CYTH3: variants seen among roughly 807,000 people sequenced by gnomAD.
The protein encoded by CYTH3 is cytohesin 3.
Under a neutral mutation model 55.1 loss-of-function variants are expected in CYTH3, and 23 were observed. The observed-to-expected ratio is 0.42, with a 90% confidence interval of 0.30 to 0.59. The LOEUF (loss-of-function observed/expected upper bound fraction) is 0.59. Among genes scored for constraint, CYTH3 ranks in the 20% least tolerant of loss-of-function variants. The pLI, the probability that CYTH3 is intolerant of heterozygous loss-of-function variation, is 0.20. For synonymous variants in CYTH3, 249 were observed against 194.9 expected, an observed-to-expected ratio of 1.28 and a Z score of -2.31; for missense variants, 413 against 524.8, an observed-to-expected ratio of 0.79 and a Z score of 2.08.
At chr7:6,265,618 CAAAAAAAAA>C (rs111748997) in intron 1 of CYTH3, among the ~76,000 whole-genome samples, 1 of 109,908 alleles carries the variant, frequency 9.1e-6, no homozygotes, top group South Asian at 2.9e-4. Context: ...GACTCCATTT[CAAAAAAAAA>C]AAAAAAAAGA....
intron 1 of CYTH3, among the ~76,000 whole-genome samples, chr7:6,202,013 G>A (rs1332793917): frequency 2.6e-5 from 4 of 152,222 alleles, no homozygotes; most frequent in African/African-American, 9.6e-5. Flanking sequence ...ATGGTAGACA[G>A]AAAAACACAG....
At chr7:6,173,144 C>A (rs1023388890) in intron 6 of CYTH3, 1 of 853,914 alleles carries the variant, frequency 1.2e-6, no homozygotes. Flanking sequence ...AGGAAGGAAG[C>A]GAGACAACTT....
At chr7:6,206,062 T>G (rs1482077437) in intron 1 of CYTH3, among the ~76,000 whole-genome samples, 1 of 152,142 alleles carries the variant, frequency 6.6e-6, no homozygotes, top group Admixed American at 6.6e-5. Context: ...AGTTTGGCAG[T>G]TCTTCAAAAA....
At chr7:6,175,544 T>TC (rs1188600940) in intron 5 of CYTH3, among the ~76,000 whole-genome samples, 1 of 128,560 alleles carries the variant, frequency 7.8e-6, no homozygotes, top group Non-Finnish European at 1.6e-5. Context: ...TACACTTTAG[T>TC]CTTTTTTTTT....
At chr7:6,190,396 T>G in intron 2 of CYTH3, 53 bp downstream of exon 2, 1 of 1,325,688 alleles carries the variant, frequency 7.5e-7, no homozygotes, top group Non-Finnish European at 9.9e-7. Context: ...ACTATTTTAC[T>G]CAAAAGCAAA....
intron 1 of CYTH3, among the ~76,000 whole-genome samples, chr7:6,203,245 TTAA>T (rs1473115655): frequency 6.6e-6 from 1 of 152,186 alleles, no homozygotes; most frequent in African/African-American, 2.4e-5. Flanking sequence ...CAAGCTTGAT[TTAA>T]TGGACATAAT....
intron 1 of CYTH3, among the ~76,000 whole-genome samples, chr7:6,239,589 A>G (rs568196532): frequency 9.9e-5 from 15 of 152,234 alleles, no homozygotes; most frequent in Admixed American, 9.2e-4. Flanking sequence ...ATCACTTGCT[A>G]AAGAAATGAC....
intron 1 of CYTH3, among the ~76,000 whole-genome samples, chr7:6,198,925 G>C (rs1372991529): frequency 6.6e-6 from 1 of 152,226 alleles, no homozygotes; most frequent in Non-Finnish European, 1.5e-5. Context: ...GTTCTCGTCT[G>C]ATGGAGGAGG....
rs987769241 is a variant in CYTH3, at chr7:6,170,411, C to A, written c.823+124G>T. On this transcript the variant is annotated intron_variant, in intron 9 of 12. Coordinates refer to ENST00000350796, the MANE Select transcript of CYTH3 (RefSeq NM_004227.4). The surrounding 1 kb of genome is among the most constrained non-coding windows in gnomAD (Gnocchi z 7.8). ...CCGAGAGCGGGCTCTGGCTTAACCG[C>A]GTTTCTTTTTAACGTCTCTGCCTGC... is the stretch of plus-strand genomic sequence containing the variant. The A allele has an allele frequency of 2.4e-5, 21 of 885,606 alleles. No homozygotes were observed. Among genetic ancestry groups the A allele is most frequent in the Non-Finnish European group, 3.4e-5 (20 of 585,226 alleles). 54.9% of individuals were successfully genotyped at this position (885,606 alleles called of 1,614,324 possible).
chr7:6,186,808 T>G (rs1783664156), intron 4 of CYTH3, among the ~76,000 whole-genome samples: 1 of 152,192 alleles, frequency 6.6e-6, no homozygotes, highest in Non-Finnish European at 1.5e-5. Context: ...GTGAGGCTGC[T>G]TCCTCACCCA....
rs926724778 is a variant in CYTH3 at position 6,167,205 on chromosome 7, C to T, written c.824-1395G>A. 6.6e-6 allele frequency among the ~76,000 whole-genome samples: 1 copy of T among 152,168 alleles called. No individual in the cohort carries two copies. The highest frequency in any genetic ancestry group is 1.5e-5 in the Non-Finnish European group (1 of 68,022). On this transcript the variant is annotated intron_variant, in intron 9 of 12. Transcript: ENST00000350796. The surrounding 1 kb of genome is among the most constrained non-coding windows in gnomAD (Gnocchi z 5.5). ...CCGCGGGCTCCATGCTCTCTGCAAGCCCTTGGCCTTCACCTTCCCCACCTC... is the reference window on the plus strand; with the variant it reads ...CCGCGGGCTCCATGCTCTCTGCAAGTCCTTGGCCTTCACCTTCCCCACCTC...
chr7:6,263,667 G>T (rs961880057), intron 1 of CYTH3, among the ~76,000 whole-genome samples: 2 of 152,012 alleles, frequency 1.3e-5, no homozygotes, highest in Non-Finnish European at 2.9e-5. Flanking sequence ...GCATGGTGTT[G>T]CAAGCCTGTA....
chr7:6,195,611 C>A (rs558857264), intron 1 of CYTH3, among the ~76,000 whole-genome samples: 1 of 152,056 alleles, frequency 6.6e-6, no homozygotes, highest in African/African-American at 2.4e-5. Flanking sequence ...CCTGCCATCA[C>A]GCCCGGCTAA....
At chr7:6,230,190 TTG>T (rs957164957) in intron 1 of CYTH3, among the ~76,000 whole-genome samples, 1 of 152,156 alleles carries the variant, frequency 6.6e-6, no homozygotes, top group African/African-American at 2.4e-5. Flanking sequence ...TCAAGGATGG[TTG>T]TGAGACCACC....
rs1195677468 is a variant in CYTH3, at chr7:6,163,384, G to C, written c.*1560C>G. 1.3e-5 allele frequency: 2 copies of C among 152,782 alleles called. No individual in the cohort carries two copies. Among genetic ancestry groups the C allele is most frequent in the Non-Finnish European group, 2.9e-5 (2 of 68,504 alleles). 9.5% of individuals were successfully genotyped at this position (152,782 alleles called of 1,614,324 possible). A position where few individuals can be genotyped will look rare whatever the true frequency, so the allele number is the denominator to read the frequency against. On this transcript the variant is annotated 3_prime_UTR_variant, in exon 13 of 13. Transcript: ENST00000350796. ...AAGGTGTGTGTGCCTATGCAGGTGG[G>C]GCAGGAAGAGGAAGTCCATAGAGGA...
At chr7:6,225,452 C>G (rs1197447175) in intron 1 of CYTH3, among the ~76,000 whole-genome samples, 2 of 151,366 alleles carry the variant, frequency 1.3e-5, no homozygotes, top group African/African-American at 4.9e-5. Context: ...CTCCCGGGTT[C>G]AAGCGATTCA....
intron 5 of CYTH3, among the ~76,000 whole-genome samples, chr7:6,174,993 G>C (rs1783306910): frequency 6.6e-6 from 1 of 152,156 alleles, no homozygotes; most frequent in South Asian, 2.1e-4. Context: ...ATTTGGAAGA[G>C]TTCTTTATAT....
At chr7:6,238,479 T>A (rs71531366) in intron 1 of CYTH3, among the ~76,000 whole-genome samples, 16,674 of 152,256 alleles carry the variant, frequency 0.11, 1,328 homozygotes, top group African/African-American at 0.22. Context: ...TACACTAAGC[T>A]GTATGCTTAG....
rs1780697878 is a variant in CYTH3, at chr7:6,272,597, C to G, written c.-90G>C. The G allele has an allele frequency of 2.9e-6, 3 of 1,020,008 alleles. No individual in the cohort carries two copies. The South Asian group carries it at 1.4e-4, about 46-fold the overall frequency. 63.2% of individuals were successfully genotyped at this position (1,020,008 alleles called of 1,614,324 possible). A position where few individuals can be genotyped will look rare whatever the true frequency, so the allele number is the denominator to read the frequency against. ...GCCGCCGGAGGGAGCGCGCAGGCGACCGGGCGGCTCCTCAGCGCGCGGCCC... is the reference window on the plus strand; with the variant it reads ...GCCGCCGGAGGGAGCGCGCAGGCGAGCGGGCGGCTCCTCAGCGCGCGGCCC... On this transcript the variant is annotated 5_prime_UTR_variant, in exon 1 of 13. Transcript: ENST00000350796.
Sources: allele counts gnomAD v4.1 joint callset (sites outside exome capture counted in the v4.1 genomes callset), GRCh38; gene constraint gnomAD v4.1.1; non-coding constraint Gnocchi (gnomAD v3.1); transcripts MANE v1.5; gene names NCBI Gene and HGNC (gene_info 2026-07-23, HGNC 2026-07-21).